ADK: variants seen among roughly 807,000 people sequenced by gnomAD.
ADK encodes N6,N6-dimethyladenosine kinase.
Under a neutral mutation model 44.7 loss-of-function variants are expected in ADK, and 24 were observed. The observed-to-expected ratio is 0.54, with a 90% CI of 0.39 to 0.76. The LOEUF is 0.76. Ranked by LOEUF, ADK falls within the 30% of genes least tolerant of loss-of-function variation. The pLI is 0.00. For synonymous variants in ADK, 128 were observed against 142.6 expected (o/e 0.90, Z 0.73); for missense variants, 321 against 425.1 (o/e 0.76, Z 2.15).
At chr10:74,343,173 A>G (rs79570172) in intron 4 of ADK, among the ~76,000 whole-genome samples, 1 of 151,296 alleles carries the variant, frequency 6.6e-6, no homozygotes, top group Non-Finnish European at 1.5e-5. Context: ...GTTTTTTTTT[A>G]GCGTTTTTAT....
At chr10:74,545,320 G>A (rs569175836) in intron 7 of ADK, among the ~76,000 whole-genome samples, 18 of 152,184 alleles carry the variant, frequency 1.2e-4, no homozygotes, top group East Asian at 3.9e-4. Flanking sequence ...ATGTTTTCAC[G>A]TATGGAGTTC....
At chr10:74,571,430 G>C (rs1850957026) in intron 7 of ADK, among the ~76,000 whole-genome samples, 1 of 152,096 alleles carries the variant, frequency 6.6e-6, no homozygotes, top group African/African-American at 2.4e-5. Flanking sequence ...GACTCTTTTT[G>C]GTTGGTAAGC....
intron 10 of ADK, among the ~76,000 whole-genome samples, chr10:74,702,524 T>TGTCCTTCC (rs748700137): frequency 1.7e-5 from 2 of 120,818 alleles, no homozygotes; most frequent in East Asian, 2.2e-4. Flanking sequence ...TCCTTCCTTC[T>TGTCCTTCC]TTCCTTCCTT....
At chr10:74,690,933 A>T (rs1016882681) in intron 10 of ADK, among the ~76,000 whole-genome samples, 1 of 152,182 alleles carries the variant, frequency 6.6e-6, no homozygotes, top group African/African-American at 2.4e-5. Context: ...TTTGTTTCTT[A>T]TAATAAAAAT....
At chr10:74,357,410 C>T (rs1332344697) in intron 4 of ADK, among the ~76,000 whole-genome samples, 1 of 151,134 alleles carries the variant, frequency 6.6e-6, no homozygotes, top group African/African-American at 2.4e-5. Flanking sequence ...TCCATGGGCT[C>T]AGGTGACCCT....
chr10:74,467,402 T>G (rs1564738398), intron 6 of ADK, among the ~76,000 whole-genome samples: 1 of 152,148 alleles, frequency 6.6e-6, no homozygotes, highest in Admixed American at 6.5e-5. Flanking sequence ...CCACCACATA[T>G]GTTAACGTGA....
At chr10:74,573,952 C>T (rs7904773) in intron 7 of ADK, among the ~76,000 whole-genome samples, 34,726 of 152,146 alleles carry the variant, frequency 0.23, 4,924 homozygotes, top group East Asian at 0.63. Flanking sequence ...TGACCCCTTG[C>T]GCTTCCCGAG....
intron 3 of ADK, among the ~76,000 whole-genome samples, chr10:74,260,653 A>T (rs530252650): frequency 1.3e-5 from 2 of 152,296 alleles, no homozygotes; most frequent in South Asian, 4.1e-4. Flanking sequence ...CCAAGTTGTG[A>T]TCACTGTTTT....
At chr10:74,154,327 G>A (rs1328829907) in intron 1 of ADK, among the ~76,000 whole-genome samples, 1 of 152,112 alleles carries the variant, frequency 6.6e-6, no homozygotes, top group East Asian at 1.9e-4. Flanking sequence ...GGAGTGCAGT[G>A]GCACCATCTC....
rs1399636060 is a variant in ADK at position 74,211,720 on chromosome 10, C to T, written c.140+10882C>T. The stretch of plus-strand genomic sequence containing the variant: ...TTGGCTTTGATCATTTGAAGTGTGG[C>T]TAGTGCAACTGATGAATTTCAACAT... On this transcript the variant is annotated intron_variant, in intron 2 of 10. Coordinates refer to ENST00000539909, the MANE Select transcript of ADK (RefSeq NM_006721.4). Among the ~76,000 whole-genome samples, 7 of 152,166 alleles carry T rather than the reference C, an allele frequency of 4.6e-5. No homozygotes were observed. The East Asian group carries it at 1.2e-3, about 25-fold the overall frequency.
intron 3 of ADK, among the ~76,000 whole-genome samples, chr10:74,244,904 A>G (rs1845358215): frequency 6.6e-6 from 1 of 152,232 alleles, no homozygotes; most frequent in Non-Finnish European, 1.5e-5. Flanking sequence ...TTAGCTAATG[A>G]AATACACTTT....
At chr10:74,371,672 C>A (rs1270828027) in intron 4 of ADK, 2 of 1,054,052 alleles carry the variant, frequency 1.9e-6, no homozygotes, top group Non-Finnish European at 2.9e-6. Flanking sequence ...GTGATGGCAT[C>A]CACATCGTAA....
intron 4 of ADK, among the ~76,000 whole-genome samples, chr10:74,324,584 G>A (rs1258884477): frequency 1.3e-5 from 2 of 152,022 alleles, no homozygotes; most frequent in African/African-American, 4.8e-5. Flanking sequence ...AGAAGATTTT[G>A]TTCCTTTTTT....
At chr10:74,684,672 C>T (rs1263518458) in intron 10 of ADK, among the ~76,000 whole-genome samples, 1 of 151,892 alleles carries the variant, frequency 6.6e-6, no homozygotes, top group African/African-American at 2.4e-5. Flanking sequence ...CTCAGGAGGC[C>T]AAAGTGGGAG....
chr10:74,437,566 C>T (rs1292860757), intron 6 of ADK, among the ~76,000 whole-genome samples: 1 of 152,042 alleles, frequency 6.6e-6, no homozygotes, highest in Non-Finnish European at 1.5e-5. Context: ...TATCTGGAAC[C>T]CATTTACTCT....
At chr10:74,364,355 A>G (rs767215221) in intron 4 of ADK, among the ~76,000 whole-genome samples, 1 of 152,194 alleles carries the variant, frequency 6.6e-6, no homozygotes, top group African/African-American at 2.4e-5. Context: ...ATTTCTTGAC[A>G]GTGTAGTTCA....
intron 6 of ADK, among the ~76,000 whole-genome samples, chr10:74,484,036 T>C (rs1847175283): frequency 6.6e-6 from 1 of 152,202 alleles, no homozygotes; most frequent in Non-Finnish European, 1.5e-5. Context: ...CAGTCATCTT[T>C]ATAGCCATGC....
intron 8 of ADK, 40 bp from the exon 9 acceptor site, chr10:74,600,339 T>C (rs761991819): frequency 7.4e-7 from 1 of 1,343,330 alleles, no homozygotes; most frequent in African/African-American, 1.5e-5. Context: ...TTGTTTTATT[T>C]TATTGGTCAT....
chr10:74,215,531 G>A (rs1326895632), intron 2 of ADK, among the ~76,000 whole-genome samples: 1 of 151,944 alleles, frequency 6.6e-6, no homozygotes, highest in African/African-American at 2.4e-5. Context: ...CGCTGTGTTG[G>A]CCAGGCTGGT....
Sources: gnomAD v4.1 joint callset for allele counts (sites outside exome capture counted in the v4.1 genomes callset) on GRCh38, gnomAD v4.1.1 for gene constraint, MANE v1.5 for transcripts, NCBI Gene and HGNC (gene_info 2026-07-23, HGNC 2026-07-21) for gene names.